Variants in FNBP1 observed in about 807,000 individuals in gnomAD.
FNBP1 encodes formin binding protein 1, also known as formin-binding protein 1.
A neutral mutation model predicts 90.6 loss-of-function variants in FNBP1; 26 were observed. The ratio of observed to expected loss-of-function variants is 0.29; its 90% CI spans 0.21 to 0.40. FNBP1 has a LOEUF of 0.40. Ranked by LOEUF, FNBP1 falls within the 10% of genes least tolerant of loss-of-function variation. FNBP1 has a pLI of 1.00. For synonymous variants in FNBP1, 260 were observed against 265.2 expected, an observed-to-expected ratio of 0.98 and a Z score of 0.19; for missense variants, 635 against 768.0, an observed-to-expected ratio of 0.83 and a Z score of 2.05.
Position 129,925,295 on chromosome 9 carries a change from A to G in FNBP1, c.790-138T>C, listed in dbSNP as rs552186801. On this transcript the variant is annotated intron_variant, in intron 8 of 16. Transcript: ENST00000446176. ...GCAGAGGCGGGTGGATCACGAGGTC[A>G]GGAGATCAAGACCATCCTGGCTAAC... 46 of 651,392 alleles carry G rather than the reference A, an allele frequency of 7.1e-5. No individual in the cohort carries two copies. In the Admixed American group the frequency reaches 1.2e-3, roughly 17 times the overall value. 40.4% of individuals were successfully genotyped at this position (651,392 alleles called of 1,614,324 possible). A position where few individuals can be genotyped will look rare whatever the true frequency, so the allele number is the denominator to read the frequency against.
At chr9:130,027,979 G>A (rs1393510117) in intron 1 of FNBP1, among the ~76,000 whole-genome samples, 1 of 151,596 alleles carries the variant, frequency 6.6e-6, no homozygotes, top group Non-Finnish European at 1.5e-5. Context: ...TCTCAAACTC[G>A]TGTGTTCAAA....
intron 6 of FNBP1, among the ~76,000 whole-genome samples, chr9:129,939,778 T>A (rs1267921150): frequency 6.6e-6 from 1 of 152,154 alleles, no homozygotes; most frequent in Non-Finnish European, 1.5e-5. Flanking sequence ...AAACAATCTC[T>A]GTCAAAGTTA....
At chr9:130,032,088 A>G (rs2058854005) in intron 1 of FNBP1, among the ~76,000 whole-genome samples, 1 of 152,198 alleles carries the variant, frequency 6.6e-6, no homozygotes, top group Admixed American at 6.5e-5. Context: ...CTAGAATGAC[A>G]GGGAGACTTC....
At chr9:130,038,312 G>GCGACC (rs1243300936) in intron 1 of FNBP1, among the ~76,000 whole-genome samples, 2 of 145,736 alleles carry the variant, frequency 1.4e-5, no homozygotes, top group African/African-American at 5.1e-5. Context: ...CAGAGATCGT[G>GCGACC]CGACCCACTG....
At chr9:129,955,833 GCGCACACA>G (rs1239232816) in intron 6 of FNBP1, among the ~76,000 whole-genome samples, 29 of 139,066 alleles carry the variant, frequency 2.1e-4, no homozygotes, top group South Asian at 9.4e-4. Flanking sequence ...TTCTTTTAGC[GCGCACACA>G]CACACACACA....
chr9:130,039,410 C>T (rs1056265516), intron 1 of FNBP1, among the ~76,000 whole-genome samples: 2 of 152,168 alleles, frequency 1.3e-5, no homozygotes, highest in Admixed American at 6.5e-5. Context: ...CGAGGTAGCT[C>T]GCGCCTGTAA....
rs772527451 is a variant in FNBP1, at chr9:129,908,921, T to C, written c.1264A>G (p.Asn422Asp). The C allele has an allele frequency of 6.2e-7, 1 of 1,613,320 alleles. No homozygotes were observed. The highest frequency in any genetic ancestry group is 2.2e-5 in the East Asian group (1 of 44,882). The change falls in exon 12 of 17, where the codon AAT becomes GAT. Residue 422 changes from asparagine (N) to aspartate (D), a missense_variant. By Grantham distance (23) the Asn-to-Asp change is conservative. Coordinates refer to ENST00000446176, the MANE Select transcript of FNBP1 (RefSeq NM_015033.3). ...TCCATCTCCTTCTGAATTTCTTTATTTAACTCATCGACTTTCTGCTGCAGC... is the reference window on the plus strand; with the variant it reads ...TCCATCTCCTTCTGAATTTCTTTATCTAACTCATCGACTTTCTGCTGCAGC... ...KKLQQKVDEL[N>D]KEIQKEMDQR...
At chr9:129,938,326 A>G (rs1267707275) in intron 6 of FNBP1, among the ~76,000 whole-genome samples, 1 of 152,204 alleles carries the variant, frequency 6.6e-6, no homozygotes, top group Non-Finnish European at 1.5e-5. Context: ...TATCTAGAAT[A>G]TATTTTCAAT....
intron 15 of FNBP1, among the ~76,000 whole-genome samples, chr9:129,897,715 T>C (rs1306029749): frequency 6.6e-6 from 1 of 152,154 alleles, no homozygotes; most frequent in Non-Finnish European, 1.5e-5. Context: ...AGTGCTGGGA[T>C]TACAGGTGTG....
intron 2 of FNBP1, among the ~76,000 whole-genome samples, chr9:129,981,258 T>G (rs998817451): frequency 2.0e-5 from 3 of 152,080 alleles, no homozygotes; most frequent in African/African-American, 7.2e-5. Context: ...CAGATAATTT[T>G]TGTGCTTTTT....
intron 1 of FNBP1, among the ~76,000 whole-genome samples, chr9:130,030,995 T>A (rs2058754810): frequency 6.6e-6 from 1 of 152,094 alleles, no homozygotes; most frequent in Non-Finnish European, 1.5e-5. Flanking sequence ...GTGGCCTATA[T>A]TTGATTTACC....
At chr9:129,964,861 CA>C (rs11397527) in intron 4 of FNBP1, among the ~76,000 whole-genome samples, 68 of 145,178 alleles carry the variant, frequency 4.7e-4, no homozygotes, top group African/African-American at 1.2e-3. Flanking sequence ...ACAGCCCTTT[CA>C]AAAAAAAAAA....
intron 1 of FNBP1, among the ~76,000 whole-genome samples, chr9:130,036,610 A>C (rs1422397612): frequency 6.6e-6 from 1 of 152,200 alleles, no homozygotes; most frequent in East Asian, 1.9e-4. Context: ...GTTCTCATGG[A>C]GAAGTAAGGA....
rs1370586955 is a variant in FNBP1, at chr9:129,889,836, G to C, written c.*703C>G. 4 of 233,018 alleles carry C rather than the reference G, an allele frequency of 1.7e-5. No homozygotes were observed. The highest frequency in any genetic ancestry group is 3.4e-5 in the Non-Finnish European group (4 of 117,964). 14.4% of individuals were successfully genotyped at this position (233,018 alleles called of 1,614,324 possible). A position where few individuals can be genotyped will look rare whatever the true frequency, so the allele number is the denominator to read the frequency against. ...CCAGTGTGGACCTCCCCAGGCCACT[G>C]AAAACAGGGCGTCAAACCAAAATGT... On this transcript the variant is annotated 3_prime_UTR_variant, in exon 17 of 17. Transcript: ENST00000446176.
intron 1 of FNBP1, among the ~76,000 whole-genome samples, chr9:130,017,897 C>G (rs1393461547): frequency 2.1e-5 from 3 of 142,844 alleles, no homozygotes; most frequent in Non-Finnish European, 4.6e-5. Flanking sequence ...TTTTTTACCT[C>G]CCCAATACAA....
rs1298490880 is a variant in FNBP1 at position 129,923,202 on chromosome 9, T to A, written c.1170+642A>T. Among the ~76,000 whole-genome samples, 6 of 152,184 alleles carry A rather than the reference T, an allele frequency of 3.9e-5. No individual in the cohort carries two copies. The South Asian group carries it at 1.2e-3, about 32-fold the overall frequency. ...TTAGAAATGAAATCTAAGTGGTTTT[T>A]TTTGGTAAAATTAAGGTAGAAAATG... On this transcript the variant is annotated intron_variant, in intron 10 of 16. Coordinates refer to ENST00000446176, the MANE Select transcript of FNBP1 (RefSeq NM_015033.3).
At chr9:129,908,682 A>C (rs1288850846) in intron 12 of FNBP1, among the ~76,000 whole-genome samples, 1 of 151,886 alleles carries the variant, frequency 6.6e-6, no homozygotes, top group Non-Finnish European at 1.5e-5. Context: ...CCTCCTGAGT[A>C]ACTGGGACTA....
upstream of FNBP1, among the ~76,000 whole-genome samples, chr9:130,046,722 C>G (rs568238287): frequency 6.3e-4 from 92 of 147,096 alleles, no homozygotes; most frequent in African/African-American, 2.3e-3. Context: ...GAGCTAAGAT[C>G]GCGCCACTAC....
chr9:130,037,814 A>G (rs749363559), intron 1 of FNBP1, among the ~76,000 whole-genome samples: 4 of 152,206 alleles, frequency 2.6e-5, no homozygotes, highest in Non-Finnish European at 4.4e-5. Context: ...AAGGTGTTAT[A>G]ATTATCTTCC....
Sources: gnomAD v4.1 joint callset for allele counts (sites outside exome capture counted in the v4.1 genomes callset) on GRCh38, gnomAD v4.1.1 for gene constraint, MANE v1.5 for transcripts, NCBI Gene and HGNC (gene_info 2026-07-23, HGNC 2026-07-21) for gene names.